TCF7L2: variants seen among roughly 807,000 people sequenced by gnomAD.
TCF7L2 encodes transcription factor 7-like 2.
Under a neutral mutation model 77.9 loss-of-function variants are expected in TCF7L2, and 23 were observed. The observed-to-expected ratio is 0.30, with a 90% CI of 0.21 to 0.42. The LOEUF (loss-of-function observed/expected upper bound fraction) is 0.42. TCF7L2 is among the 10% of genes least tolerant of loss of function. TCF7L2 has a pLI of 1.00. For missense variants in TCF7L2, 654 were observed against 793.1 expected (o/e 0.82, Z 2.11); for synonymous variants, 413 against 340.2 (o/e 1.21, Z -2.36).
At chr10:113,031,904 G>A (rs1303366052) in intron 4 of TCF7L2, among the ~76,000 whole-genome samples, 1 of 152,202 alleles carries the variant, frequency 6.6e-6, no homozygotes, top group Non-Finnish European at 1.5e-5. Flanking sequence ...CTGACACAGA[G>A]CATCTGTTTA....
intron 4 of TCF7L2, among the ~76,000 whole-genome samples, chr10:113,030,459 A>G (rs2050026383): frequency 1.3e-5 from 2 of 152,226 alleles, no homozygotes; most frequent in Admixed American, 6.5e-5. Context: ...CTGTAGAGAC[A>G]TGGGTAGTAA....
chr10:113,071,795 G>C (rs1166508572), intron 5 of TCF7L2, among the ~76,000 whole-genome samples: 1 of 152,146 alleles, frequency 6.6e-6, no homozygotes, highest in Non-Finnish European at 1.5e-5. Flanking sequence ...CACTATCAAT[G>C]TGACAGACAC....
At chr10:113,111,144 A>C (rs1222992756) in intron 5 of TCF7L2, among the ~76,000 whole-genome samples, 1 of 152,058 alleles carries the variant, frequency 6.6e-6, no homozygotes, top group Non-Finnish European at 1.5e-5. Context: ...AATTGAAGTG[A>C]ATTGAACATT....
chr10:113,042,797 A>G (rs2052689041), intron 5 of TCF7L2, among the ~76,000 whole-genome samples: 1 of 152,180 alleles, frequency 6.6e-6, no homozygotes, highest in Non-Finnish European at 1.5e-5. Flanking sequence ...GCCAACCAAA[A>G]CCAGCTGTTC....
chr10:113,138,761 G>A (rs1592196009), intron 5 of TCF7L2, among the ~76,000 whole-genome samples: 1 of 152,132 alleles, frequency 6.6e-6, no homozygotes, highest in South Asian at 2.1e-4. Flanking sequence ...TTGCCTGTGT[G>A]CGTGTGGTCC....
intron 4 of TCF7L2, among the ~76,000 whole-genome samples, chr10:113,002,527 G>C (rs2044677515): frequency 6.6e-6 from 1 of 152,122 alleles, no homozygotes; most frequent in African/African-American, 2.4e-5. Context: ...CAGTGGAGAA[G>C]CCCTGGCTGT....
intron 7 of TCF7L2, among the ~76,000 whole-genome samples, chr10:113,145,070 C>T (rs1388407671): frequency 2.0e-5 from 3 of 150,556 alleles, no homozygotes; most frequent in Admixed American, 2.0e-4. Context: ...GTGGCTTACC[C>T]CACAATTCTA....
chr10:113,064,973 C>T (rs1425422796), intron 5 of TCF7L2, among the ~76,000 whole-genome samples: 2 of 152,178 alleles, frequency 1.3e-5, no homozygotes, highest in Admixed American at 1.3e-4. Flanking sequence ...AATGCTCAGC[C>T]TTCATATTTC....
rs1287566692 is a variant in TCF7L2 at position 113,131,278 on chromosome 10, G to T, written c.553-9906G>T. 2.0e-5 allele frequency among the ~76,000 whole-genome samples: 3 copies of T among 152,298 alleles called. No homozygotes were observed. In the East Asian group the frequency reaches 5.8e-4, roughly 29 times the overall value. ...TTTTCAACATCATGAATTAAATTCT[G>T]TGTGTCAAATTAAAACACAAGATCA... On this transcript the variant is annotated intron_variant, in intron 5 of 13. Transcript: ENST00000627217.
At chr10:113,053,809 C>G (rs371506368) in intron 5 of TCF7L2, among the ~76,000 whole-genome samples, 9 of 152,316 alleles carry the variant, frequency 5.9e-5, no homozygotes, top group Admixed American at 2.0e-4. Flanking sequence ...TCACAACGCC[C>G]TTATGAATGA....
At chr10:113,119,566 GA>G (rs1287681865) in intron 5 of TCF7L2, among the ~76,000 whole-genome samples, 1 of 151,988 alleles carries the variant, frequency 6.6e-6, no homozygotes, top group African/African-American at 2.4e-5. Flanking sequence ...ATCAGTCCTT[GA>G]ACATAACAGA....
intron 4 of TCF7L2, among the ~76,000 whole-genome samples, chr10:113,027,798 C>T (rs903856551): frequency 3.3e-5 from 5 of 152,110 alleles, no homozygotes; most frequent in African/African-American, 9.7e-5. Context: ...CCCTATTCAA[C>T]CCAGCCCCAC....
chr10:113,123,210 G>T (rs138670028), intron 5 of TCF7L2, among the ~76,000 whole-genome samples: 1 of 152,164 alleles, frequency 6.6e-6, no homozygotes, highest in Non-Finnish European at 1.5e-5. Context: ...GTGCTGATGC[G>T]GTCGTGCTGG....
intron 5 of TCF7L2, among the ~76,000 whole-genome samples, chr10:113,057,029 C>G (rs760263065): frequency 3.9e-5 from 6 of 152,218 alleles, no homozygotes; most frequent in Non-Finnish European, 5.9e-5. Context: ...CCACTTATAA[C>G]AAATGAAGAT....
intron 8 of TCF7L2, among the ~76,000 whole-genome samples, chr10:113,147,914 C>T (rs900746436): frequency 6.6e-6 from 1 of 151,948 alleles, no homozygotes; most frequent in African/African-American, 2.4e-5. Context: ...CCTCAAGGTG[C>T]GGGGAGAGGC....
chr10:112,973,837 G>A (rs1486380886), intron 4 of TCF7L2, among the ~76,000 whole-genome samples: 4 of 152,054 alleles, frequency 2.6e-5, no homozygotes, highest in African/African-American at 4.8e-5. Context: ...TAATCTGCCC[G>A]CCTTGGCCTC....
intron 5 of TCF7L2, among the ~76,000 whole-genome samples, chr10:113,095,363 A>G (rs2060844732): frequency 6.6e-6 from 1 of 152,162 alleles, no homozygotes; most frequent in African/African-American, 2.4e-5. Flanking sequence ...ACTGGGTAGG[A>G]TGGGAGGTGG....
intron 5 of TCF7L2, among the ~76,000 whole-genome samples, chr10:113,117,290 A>C (rs2063847741): frequency 6.6e-6 from 1 of 152,074 alleles, no homozygotes; most frequent in African/African-American, 2.4e-5. Flanking sequence ...TTTGGGGAAA[A>C]TAATCAGGAA....
Position 113,151,706 on chromosome 10 carries a change from C to CT in TCF7L2, c.1002-18dup. 1 of 1,570,324 alleles carries CT rather than the reference C, an allele frequency of 6.4e-7. No homozygotes were observed. Among genetic ancestry groups the CT allele is most frequent in the Non-Finnish European group, 8.6e-7 (1 of 1,165,898 alleles). ...CACGACCTTGTTTATTGGGTTGCGT[C>CT]TGTTTTGTCTATCTCCAGAAAGCAT... On this transcript the variant is annotated intron_variant, in intron 9 of 13. Transcript: ENST00000627217. The surrounding 1 kb of genome is among the most constrained non-coding windows in gnomAD (Gnocchi z 5.2).
Sources: allele counts gnomAD v4.1 joint callset (sites outside exome capture counted in the v4.1 genomes callset), GRCh38; gene constraint gnomAD v4.1.1; non-coding constraint Gnocchi (gnomAD v3.1); transcripts MANE v1.5; gene names NCBI Gene and HGNC (gene_info 2026-07-23, HGNC 2026-07-21).